The following NEDD9 variants were observed in gnomAD, a reference collection of about 807,000 sequenced individuals.
The protein encoded by NEDD9 is enhancer of filamentation 1.
A neutral mutation model predicts 76.6 loss-of-function variants in NEDD9; 26 were observed. The observed-to-expected ratio is 0.34, with a 90% CI of 0.25 to 0.47. The LOEUF is 0.47. NEDD9 is among the 20% of genes least tolerant of loss of function. The pLI, the probability that NEDD9 is intolerant of heterozygous loss-of-function variation, is 1.00. For missense variants in NEDD9, 937 were observed against 1,058.5 expected (o/e 0.89, Z 1.59); for synonymous variants, 392 against 414.2 (o/e 0.95, Z 0.65).
At chr6:11,212,299 T>C (rs1055613847) in intron 2 of NEDD9, among the ~76,000 whole-genome samples, 1 of 152,138 alleles carries the variant, frequency 6.6e-6, no homozygotes, top group African/African-American at 2.4e-5. Flanking sequence ...AAAGAGAAAA[T>C]CCCTCCTTTG....
chr6:11,266,920 C>A (rs541756044), intron 3 of NEDD9, among the ~76,000 whole-genome samples: 2 of 152,164 alleles, frequency 1.3e-5, no homozygotes, highest in Non-Finnish European at 2.9e-5. Flanking sequence ...GAATGAATTA[C>A]CCTCCTCTCA....
intron 3 of NEDD9, among the ~76,000 whole-genome samples, chr6:11,257,810 T>TGTGTGTGTGTGTGTGTGTGTGTGC (rs1340885962): frequency 4.6e-5 from 7 of 151,294 alleles, no homozygotes; most frequent in African/African-American, 1.7e-4. Context: ...TGTGTGTGTG[T>TGTGTGTGTGTGTGTGTGTGTGTGC]GCAGTACGGC....
chr6:11,326,213 T>G (rs1222111994), intron 2 of NEDD9, among the ~76,000 whole-genome samples: 1 of 151,642 alleles, frequency 6.6e-6, no homozygotes, highest in East Asian at 1.9e-4. Context: ...CCGCTGGACT[T>G]TGTTATCAGA....
chr6:11,337,136 T>C (rs1762177582), intron 1 of NEDD9, among the ~76,000 whole-genome samples: 1 of 152,158 alleles, frequency 6.6e-6, no homozygotes. Flanking sequence ...AGGAATCTCT[T>C]GAACCCAGGA....
intron 1 of NEDD9, among the ~76,000 whole-genome samples, chr6:11,379,252 G>A (rs990441643): frequency 6.6e-6 from 1 of 150,562 alleles, no homozygotes; most frequent in African/African-American, 2.5e-5. Context: ...GCCATATTCT[G>A]TGTGCTGTCA....
intron 3 of NEDD9, among the ~76,000 whole-genome samples, chr6:11,305,669 T>C (rs906031097): frequency 2.0e-5 from 3 of 152,240 alleles, no homozygotes; most frequent in South Asian, 2.1e-4. Flanking sequence ...AGCTTCTGAA[T>C]GAATAGTTCA....
At chr6:11,233,493 G>C (rs891194156), upstream of NEDD9, 1 of 518,754 alleles carries the variant, frequency 1.9e-6, no homozygotes, top group Non-Finnish European at 3.9e-6. Flanking sequence ...TTTGACGGCT[G>C]GCATTTCTAG....
At chr6:11,381,215 T>C (rs1173714613) in intron 1 of NEDD9, among the ~76,000 whole-genome samples, 1 of 152,136 alleles carries the variant, frequency 6.6e-6, no homozygotes, top group African/African-American at 2.4e-5. Flanking sequence ...TCATGGACAA[T>C]TGCTCTTCAC....
intron 3 of NEDD9, among the ~76,000 whole-genome samples, chr6:11,296,200 G>T (rs993240698): frequency 1.3e-5 from 2 of 152,108 alleles, no homozygotes; most frequent in Admixed American, 1.3e-4. Flanking sequence ...CCAGCCTCCA[G>T]AACTGTGAGA....
intron 1 of NEDD9, among the ~76,000 whole-genome samples, chr6:11,372,768 A>T (rs1356749028): frequency 6.6e-6 from 1 of 152,228 alleles, no homozygotes; most frequent in Admixed American, 6.5e-5. Context: ...GCACCTATTC[A>T]TATACCTGCT....
intron 3 of NEDD9, among the ~76,000 whole-genome samples, chr6:11,294,006 A>AGTGTGTGTGTGT (rs57803150): frequency 1.3e-5 from 2 of 151,062 alleles, no homozygotes; most frequent in Admixed American, 6.6e-5. Flanking sequence ...CCATTGTGTA[A>AGTGTGTGTGTGT]GTGTGTGTGT....
chr6:11,294,401 G>A lies in NEDD9; in HGVS notation c.12+11591C>T, dbSNP rs192337254. Among the ~76,000 whole-genome samples, 309 of 152,200 alleles carry A rather than the reference G, an allele frequency of 2.0e-3. 1 individual carries two copies. Among genetic ancestry groups the A allele is most frequent in the Non-Finnish European group, 3.1e-3 (212 of 68,008 alleles). ...GGTGGATTTCCCTTTTGCTGTTCTC[G>A]TGATAGTGAGTAAGTTCTCATGAGA... On this transcript the variant is annotated intron_variant, in intron 3 of 3. Transcript: ENST00000397378.
upstream of NEDD9, among the ~76,000 whole-genome samples, chr6:11,235,207 GAT>G (rs1440497618): frequency 1.3e-5 from 2 of 151,938 alleles, no homozygotes; most frequent in Non-Finnish European, 2.9e-5. This position sits in a 1 kb window ranked among gnomAD's most constrained non-coding sequence, Gnocchi z 4.1. Context: ...TCAGATTTAT[GAT>G]ATTTTGTTAA....
chr6:11,340,162 C>A (rs147226881), intron 1 of NEDD9, among the ~76,000 whole-genome samples: 1 of 152,136 alleles, frequency 6.6e-6, no homozygotes, highest in Admixed American at 6.6e-5. Flanking sequence ...ACGCCTCAGC[C>A]TTCCCTCCTT....
At chr6:11,354,855 G>A (rs1000179088) in intron 1 of NEDD9, among the ~76,000 whole-genome samples, 3 of 152,106 alleles carry the variant, frequency 2.0e-5, no homozygotes, top group African/African-American at 7.2e-5. Context: ...AAAGCTACTG[G>A]GGACAAGATG....
At chr6:11,209,975 T>TTTTTTTTTTTTG (rs1167935311) in intron 2 of NEDD9, among the ~76,000 whole-genome samples, 3 of 150,448 alleles carry the variant, frequency 2.0e-5, no homozygotes, top group Admixed American at 6.7e-5. Context: ...ACTGTCTTTT[T>TTTTTTTTTTTTG]TTTTTCCTTA....
intron 1 of NEDD9, among the ~76,000 whole-genome samples, chr6:11,343,964 C>T (rs549748068): frequency 6.6e-6 from 1 of 152,264 alleles, no homozygotes; most frequent in South Asian, 2.1e-4. Context: ...AGATATCTGT[C>T]TGTACTTTAT....
At chr6:11,333,206 T>G (rs1762085661) in intron 2 of NEDD9, among the ~76,000 whole-genome samples, 1 of 152,140 alleles carries the variant, frequency 6.6e-6, no homozygotes, top group Admixed American at 6.5e-5. Context: ...TATATTGGGT[T>G]CCATCCATGA....
At chr6:11,210,709 A>G (rs1459595725) in intron 2 of NEDD9, among the ~76,000 whole-genome samples, 1 of 146,228 alleles carries the variant, frequency 6.8e-6, no homozygotes, top group African/African-American at 2.5e-5. Context: ...CATCTCCACT[A>G]TGAAAGAAAG....
Sources: allele counts gnomAD v4.1 joint callset (sites outside exome capture counted in the v4.1 genomes callset), GRCh38; gene constraint gnomAD v4.1.1; non-coding constraint Gnocchi (gnomAD v3.1); transcripts MANE v1.5; gene names NCBI Gene and HGNC (gene_info 2026-07-23, HGNC 2026-07-21).